Variants in GATA4 observed in about 807,000 individuals in gnomAD.
GATA4 encodes the protein GATA binding protein 4.
GATA4 carries 7 observed loss-of-function variants against 37.9 expected under a neutral mutation model. That is an observed-to-expected ratio of 0.18 (90% CI 0.11 to 0.35). The LOEUF (loss-of-function observed/expected upper bound fraction) is 0.35. GATA4 is among the 10% of genes least tolerant of loss of function. GATA4 has a pLI of 1.00. For synonymous variants in GATA4, 372 were observed against 292.6 expected, an observed-to-expected ratio of 1.27 and a Z score of -2.77; for missense variants, 647 against 653.0, an observed-to-expected ratio of 0.99 and a Z score of 0.10.
At chr8:11,757,163 T>A in intron 6 of GATA4, 80 bp downstream of exon 6, 1 of 1,577,024 alleles carries the variant, frequency 6.3e-7, no homozygotes, top group Non-Finnish European at 8.6e-7. Flanking sequence ...TAGTACTGGG[T>A]GGGACTTGCA....
intron 1 of GATA4, among the ~76,000 whole-genome samples, chr8:11,683,707 C>T (rs979130740): frequency 1.3e-5 from 2 of 152,160 alleles, no homozygotes; most frequent in Non-Finnish European, 2.9e-5. Flanking sequence ...ATTTCAGTCC[C>T]GCAACTGCTC....
chr8:11,677,624 G>A (rs1470406604), intron 1 of GATA4, among the ~76,000 whole-genome samples: 1 of 152,178 alleles, frequency 6.6e-6, no homozygotes, highest in African/African-American at 2.4e-5. Flanking sequence ...AGCCCACTTT[G>A]CTTTTGGGGT....
At chr8:11,699,888 G>T (rs1799617599), upstream of GATA4, among the ~76,000 whole-genome samples, 1 of 152,042 alleles carries the variant, frequency 6.6e-6, no homozygotes, top group African/African-American at 2.4e-5. Context: ...GCTCATTAAA[G>T]GAAACTCAGA....
At chr8:11,747,238 C>T (rs983918145) in intron 2 of GATA4, among the ~76,000 whole-genome samples, 2 of 152,212 alleles carry the variant, frequency 1.3e-5, no homozygotes, top group African/African-American at 4.8e-5. Flanking sequence ...AGAGAGACTT[C>T]TGGAGATGGT....
intron 6 of GATA4, among the ~76,000 whole-genome samples, chr8:11,757,869 G>A (rs1393037080): frequency 6.6e-6 from 1 of 152,198 alleles, no homozygotes; most frequent in Non-Finnish European, 1.5e-5. Flanking sequence ...ACTGAAGGAG[G>A]CCGTGTCTTA....
chr8:11,728,020 C>G (rs928273287), intron 2 of GATA4, among the ~76,000 whole-genome samples: 2 of 152,178 alleles, frequency 1.3e-5, no homozygotes, highest in African/African-American at 4.8e-5. Context: ...GATGGAGTTT[C>G]ACGCTTGTTG....
At chr8:11,722,212 C>T (rs899581408) in intron 2 of GATA4, among the ~76,000 whole-genome samples, 1 of 152,120 alleles carries the variant, frequency 6.6e-6, no homozygotes, top group Non-Finnish European at 1.5e-5. Flanking sequence ...ATATTCATCC[C>T]TCAGCTTTGA....
chr8:11,732,585 G>A (rs1801262359), intron 2 of GATA4, among the ~76,000 whole-genome samples: 1 of 152,350 alleles, frequency 6.6e-6, no homozygotes, highest in Middle Eastern at 3.4e-3. Flanking sequence ...ATTCAAGATA[G>A]ATGTGATTGA....
Position 11,744,226 on chromosome 8 carries a change from A to G in GATA4, c.617-4690A>G, listed in dbSNP as rs531899994. Among the ~76,000 whole-genome samples, 81 of 151,484 alleles carry G rather than the reference A, an allele frequency of 5.3e-4. 1 individual carries two copies. The South Asian group carries it at 0.015, about 28-fold the overall frequency. On this transcript the variant is annotated intron_variant, in intron 2 of 6. Transcript: ENST00000532059. ...GCCAAAGTTTGTCCTGGTCTTTCCC[A>G]CTCCCTCCTGACCCCTCCAACTTCA...
At chr8:11,692,157 C>A, upstream of GATA4, 1 of 476,594 alleles carries the variant, frequency 2.1e-6, no homozygotes, top group Non-Finnish European at 2.7e-6. Context: ...GGTAACAGCC[C>A]AGCAGCCTCA....
intron 1 of GATA4, among the ~76,000 whole-genome samples, chr8:11,704,835 G>A (rs531343227): frequency 2.6e-5 from 4 of 152,364 alleles, no homozygotes; most frequent in South Asian, 4.1e-4. Flanking sequence ...CTGAGTGGCG[G>A]AACTATTCAT....
chr8:11,750,571 C>T (rs1161515883), intron 4 of GATA4, among the ~76,000 whole-genome samples: 2 of 152,218 alleles, frequency 1.3e-5, no homozygotes, highest in East Asian at 3.9e-4. Flanking sequence ...ATGACCTCTA[C>T]CTCCTACCTT....
At chr8:11,744,080 G>A (rs1289228265) in intron 2 of GATA4, among the ~76,000 whole-genome samples, 1 of 152,184 alleles carries the variant, frequency 6.6e-6, no homozygotes, top group Non-Finnish European at 1.5e-5. Flanking sequence ...CTGGCTTGCA[G>A]TCTCAAACCT....
At chr8:11,734,543 A>G (rs965679466) in intron 2 of GATA4, among the ~76,000 whole-genome samples, 3 of 152,112 alleles carry the variant, frequency 2.0e-5, no homozygotes, top group African/African-American at 7.2e-5. Flanking sequence ...CTGGAATGCA[A>G]TGGCGCAACC....
intron 1 of GATA4, among the ~76,000 whole-genome samples, chr8:11,686,627 A>T (rs1004819105): frequency 6.6e-6 from 1 of 152,220 alleles, no homozygotes; most frequent in African/African-American, 2.4e-5. Flanking sequence ...CTGCACAGGC[A>T]TAGTGGTAGG....
chr8:11,703,654 A>G (rs1181892433), upstream of GATA4, among the ~76,000 whole-genome samples: 2 of 152,182 alleles, frequency 1.3e-5, no homozygotes, highest in African/African-American at 4.8e-5. Context: ...GGGAAGGCAA[A>G]AGGGAGGCTT....
chr8:11,726,666 C>A (rs1323183519), intron 2 of GATA4, among the ~76,000 whole-genome samples: 1 of 152,072 alleles, frequency 6.6e-6, no homozygotes, highest in Non-Finnish European at 1.5e-5. Context: ...TGCAGAGCTG[C>A]CTTCTGATGC....
intron 2 of GATA4, among the ~76,000 whole-genome samples, chr8:11,747,715 C>A (rs1415062482): frequency 6.6e-6 from 1 of 152,068 alleles, no homozygotes; most frequent in Non-Finnish European, 1.5e-5. Flanking sequence ...AAGTAAGGAG[C>A]AGTGTTTATG....
chr8:11,757,349 C>T (rs1349326324), intron 6 of GATA4, among the ~76,000 whole-genome samples: 1 of 152,228 alleles, frequency 6.6e-6, no homozygotes. Context: ...AATTTTTTAA[C>T]AGCTCCTCTA....
Sources: gnomAD v4.1 joint callset for allele counts (sites outside exome capture counted in the v4.1 genomes callset) on GRCh38, gnomAD v4.1.1 for gene constraint, MANE v1.5 for transcripts, NCBI Gene and HGNC (gene_info 2026-07-23, HGNC 2026-07-21) for gene names.